Variants in CCDC102B observed in about 807,000 individuals in gnomAD.
CCDC102B encodes coiled-coil domain-containing protein 102B.
A neutral mutation model predicts 57.4 loss-of-function variants in CCDC102B; 75 were observed. The ratio of observed to expected loss-of-function variants is 1.31; its 90% confidence interval spans 1.08 to 1.58. CCDC102B has a LOEUF of 1.58. Among genes scored for constraint, CCDC102B ranks in the 40% most tolerant of loss-of-function variants. The probability of loss-of-function intolerance (pLI) is 0.00; values close to 1 mark genes in which losing one functional copy is unlikely to be tolerated. For synonymous variants in CCDC102B, 206 were observed against 201.9 expected (o/e 1.02, Z -0.17); for missense variants, 636 against 582.6 (o/e 1.09, Z -0.94).
At chr18:68,881,933 C>T (rs1196226595) in intron 5 of CCDC102B, among the ~76,000 whole-genome samples, 1 of 152,096 alleles carries the variant, frequency 6.6e-6, no homozygotes, top group East Asian at 1.9e-4. Context: ...GAGAATATAA[C>T]TCTCCTATGC....
intron 7 of CCDC102B, among the ~76,000 whole-genome samples, chr18:69,046,460 A>G (rs1371118053): frequency 2.0e-5 from 3 of 151,844 alleles, no homozygotes; most frequent in Non-Finnish European, 2.9e-5. Context: ...CCTTTTGTAA[A>G]TTTTTTAAGG....
rs1023309855 is a variant in CCDC102B at position 68,803,710 on chromosome 18, A to AT, written c.-16+5535dup. Among the ~76,000 whole-genome samples the AT allele has an allele frequency of 4.6e-5, 7 of 152,176 alleles. No individual in the cohort carries two copies. The East Asian group carries it at 5.8e-4, about 13-fold the overall frequency. On this transcript the variant is annotated intron_variant, in intron 1 of 7. Coordinates refer to ENST00000360242, the MANE Select transcript of CCDC102B (RefSeq NM_024781.3). ...ATTAGGGTGGTGCAAAAGTAATTGCATTTTTTGCCATTACTTTCAATGGGA... is the reference window on the plus strand; with the variant it reads ...ATTAGGGTGGTGCAAAAGTAATTGCATTTTTTTGCCATTACTTTCAATGGGA...
intron 2 of CCDC102B, among the ~76,000 whole-genome samples, chr18:68,757,900 T>C (rs1037703918): frequency 6.6e-6 from 1 of 152,118 alleles, no homozygotes; most frequent in African/African-American, 2.4e-5. Flanking sequence ...CTGGGAATTT[T>C]AGCCTTTGAA....
At chr18:68,912,663 T>C (rs2040917472) in intron 6 of CCDC102B, among the ~76,000 whole-genome samples, 2 of 152,184 alleles carry the variant, frequency 1.3e-5, no homozygotes, top group South Asian at 4.1e-4. Flanking sequence ...CTAATAAATG[T>C]GTGGTCCAAC....
At chr18:68,842,367 T>C (rs2037672173) in intron 3 of CCDC102B, among the ~76,000 whole-genome samples, 1 of 152,128 alleles carries the variant, frequency 6.6e-6, no homozygotes. Context: ...TCATGGAATA[T>C]TCAATAAACC....
chr18:68,719,245 C>T (rs1263191702), intron 2 of CCDC102B, among the ~76,000 whole-genome samples: 1 of 152,160 alleles, frequency 6.6e-6, no homozygotes, highest in African/African-American at 2.4e-5. Context: ...TAATCTGTAT[C>T]AGGATTCTCC....
chr18:68,914,723 T>C (rs1441150587), intron 6 of CCDC102B, among the ~76,000 whole-genome samples: 1 of 152,232 alleles, frequency 6.6e-6, no homozygotes, highest in Non-Finnish European at 1.5e-5. Flanking sequence ...TGAGTCTTTC[T>C]TAAATGTGTG....
intron 1 of CCDC102B, among the ~76,000 whole-genome samples, chr18:68,826,747 A>T (rs928925938): frequency 4.6e-5 from 7 of 152,210 alleles, no homozygotes; most frequent in African/African-American, 1.7e-4. Context: ...CATATCAAGA[A>T]TAAAACAAAA....
intron 6 of CCDC102B, among the ~76,000 whole-genome samples, chr18:68,996,149 G>C (rs989157148): frequency 2.6e-5 from 4 of 152,200 alleles, no homozygotes; most frequent in African/African-American, 7.2e-5. Context: ...TGGACTGGGA[G>C]AGGCAGACCC....
At chr18:68,827,588 G>A (rs73460006) in intron 1 of CCDC102B, among the ~76,000 whole-genome samples, 3,415 of 152,082 alleles carry the variant, frequency 0.022, 103 homozygotes, top group African/African-American at 0.064. Context: ...ATGCAGGGAC[G>A]AGAAAGAGAG....
chr18:68,957,273 G>C (rs186423868), intron 6 of CCDC102B, among the ~76,000 whole-genome samples: 1 of 151,990 alleles, frequency 6.6e-6, no homozygotes, highest in East Asian at 1.9e-4. Flanking sequence ...TTATATTTAC[G>C]TCTTTAATGT....
chr18:68,932,081 A>G (rs1017047802), intron 6 of CCDC102B, among the ~76,000 whole-genome samples: 3 of 151,854 alleles, frequency 2.0e-5, no homozygotes, highest in Non-Finnish European at 4.4e-5. Flanking sequence ...TTCTTCTAAC[A>G]TGACTTGTAT....
intron 3 of CCDC102B, 190 bp downstream of exon 3, chr18:68,839,116 T>G: frequency 1.7e-6 from 1 of 595,998 alleles, no homozygotes; most frequent in East Asian, 2.9e-5. Flanking sequence ...AACTTGTTAG[T>G]GTTTTCCATT....
At chr18:68,816,752 C>G (rs200484888) in intron 1 of CCDC102B, among the ~76,000 whole-genome samples, 2 of 152,302 alleles carry the variant, frequency 1.3e-5, no homozygotes, top group East Asian at 3.9e-4. Context: ...GCTTGAGGCA[C>G]TGCACCCAGC....
At chr18:68,734,924 C>A (rs545979326) in intron 2 of CCDC102B, among the ~76,000 whole-genome samples, 1 of 152,122 alleles carries the variant, frequency 6.6e-6, no homozygotes, top group South Asian at 2.1e-4. Flanking sequence ...TCCACAATAC[C>A]GTATCTCTTG....
chr18:68,745,557 C>T (rs905696976), intron 2 of CCDC102B, among the ~76,000 whole-genome samples: 2 of 151,972 alleles, frequency 1.3e-5, no homozygotes, highest in East Asian at 3.9e-4. Flanking sequence ...GCGTATCTAT[C>T]ACCTCAAATA....
intron 6 of CCDC102B, among the ~76,000 whole-genome samples, chr18:68,907,190 A>G (rs2040681096): frequency 6.6e-6 from 1 of 152,142 alleles, no homozygotes; most frequent in South Asian, 2.1e-4. Context: ...TCTTTATGCC[A>G]GTGCTATACT....
At chr18:68,866,886 C>T (rs1308979407) in intron 4 of CCDC102B, 3 of 647,812 alleles carry the variant, frequency 4.6e-6, no homozygotes, top group East Asian at 6.6e-5. Context: ...CTCCTCTTCC[C>T]TCTCATGTAT....
chr18:68,855,479 C>A (rs1004618604), intron 4 of CCDC102B, among the ~76,000 whole-genome samples: 2 of 152,150 alleles, frequency 1.3e-5, no homozygotes, highest in Admixed American at 1.3e-4. Flanking sequence ...AAATATAATT[C>A]TCATATCATA....
Sources: gnomAD v4.1 joint callset for allele counts (sites outside exome capture counted in the v4.1 genomes callset) on GRCh38, gnomAD v4.1.1 for gene constraint, MANE v1.5 for transcripts, NCBI Gene and HGNC (gene_info 2026-07-23, HGNC 2026-07-21) for gene names.